LRBA: variants seen among roughly 807,000 people sequenced by gnomAD.
LRBA encodes the protein lipopolysaccharide-responsive and beige-like anchor protein.
Under a neutral mutation model 330.0 loss-of-function variants are expected in LRBA, and 176 were observed. The observed-to-expected ratio is 0.53, with a 90% CI of 0.47 to 0.60. LRBA has a LOEUF of 0.60. Among genes scored for constraint, LRBA ranks in the 20% least tolerant of loss-of-function variants. The pLI is 0.00. For missense variants in LRBA, 3,259 were observed against 3,444.8 expected (o/e 0.95, Z 1.35); for synonymous variants, 1,230 against 1,193.0 (o/e 1.03, Z -0.64).
Position 150,852,718 on chromosome 4 carries a change from T to G in LRBA, c.2992A>C (p.Thr998Pro). Reference protein sequence around the residue: ...NGNENSSIEKTSSLESASNIE... With the variant: ...NGNENSSIEKPSSLESASNIE... ...TTAGATGCAGATTCTAGTGAACTTG[T>G]CTTCTCTATACTTGAATTTTCATTA... Residue 998 changes from threonine to proline, a missense_variant, in exon 23 of 57, where the codon ACA (threonine) becomes CCA (proline). Thr to Pro is a conservative substitution (Grantham distance 38, BLOSUM62 -1). Coordinates refer to ENST00000651943, the MANE Select transcript of LRBA (RefSeq NM_001364905.1). 6.2e-7 allele frequency: 1 copy of G among 1,613,904 alleles called. No homozygotes were observed. The highest frequency in any genetic ancestry group is 8.5e-7 in the Non-Finnish European group (1 of 1,179,800).
At chr4:150,389,676 C>CAA (rs34170088) in intron 47 of LRBA, among the ~76,000 whole-genome samples, 843 of 79,698 alleles carry the variant, frequency 0.011, 22 homozygotes, top group African/African-American at 0.024. Context: ...GACTCTGTCT[C>CAA]AAAAAAAAAA....
At chr4:150,819,697 G>C (rs1186951516) in intron 30 of LRBA, among the ~76,000 whole-genome samples, 1 of 152,032 alleles carries the variant, frequency 6.6e-6, no homozygotes, top group Non-Finnish European at 1.5e-5. Flanking sequence ...ATTTACTACA[G>C]CTGTTCCAAA....
chr4:150,422,654 C>T (rs1748981423), intron 46 of LRBA: 3 of 639,968 alleles, frequency 4.7e-6, no homozygotes, highest in Non-Finnish European at 8.6e-6. Context: ...CTTAGAAGAA[C>T]TGGCACTGCT....
At chr4:150,559,913 A>ATCTATATAAAT (rs1561352796) in intron 40 of LRBA, among the ~76,000 whole-genome samples, 2 of 67,802 alleles carry the variant, frequency 2.9e-5, no homozygotes, top group African/African-American at 1.2e-4. Flanking sequence ...AATTATATAT[A>ATCTATATAAAT]ATATATAAAT....
chr4:150,432,146 ATCT>A (rs1484571599), intron 46 of LRBA, among the ~76,000 whole-genome samples: 1 of 152,102 alleles, frequency 6.6e-6, no homozygotes, highest in Non-Finnish European at 1.5e-5. Flanking sequence ...AAAAATTTAA[ATCT>A]TCTTCATACC....
At chr4:150,460,290 T>A (rs1316531467) in intron 44 of LRBA, among the ~76,000 whole-genome samples, 4 of 151,436 alleles carry the variant, frequency 2.6e-5, no homozygotes, top group African/African-American at 9.7e-5. Context: ...AAAATATACA[T>A]CCAAATGGTA....
chr4:150,600,962 C>T (rs1774051102), intron 37 of LRBA, among the ~76,000 whole-genome samples: 1 of 152,170 alleles, frequency 6.6e-6, no homozygotes. Context: ...AGTCGTGAAT[C>T]ACAGGCTGCT....
intron 2 of LRBA, among the ~76,000 whole-genome samples, chr4:150,931,475 T>G (rs143020345): frequency 6.6e-6 from 1 of 151,382 alleles, no homozygotes; most frequent in Non-Finnish European, 1.5e-5. Context: ...ATCAAAAGGT[T>G]AGTGGCTGGG....
intron 41 of LRBA, among the ~76,000 whole-genome samples, chr4:150,489,081 TATTATATAAG>T (rs1758310250): frequency 1.5e-5 from 1 of 67,126 alleles, no homozygotes; most frequent in African/African-American, 6.2e-5. Context: ...TTATATATAA[TATTATATAAG>T]AATATACAAT....
At chr4:150,769,050 C>A (rs1438432810) in intron 34 of LRBA, among the ~76,000 whole-genome samples, 1 of 149,842 alleles carries the variant, frequency 6.7e-6, no homozygotes, top group Non-Finnish European at 1.5e-5. Context: ...AACTCTCCTG[C>A]GTCAGCTTTC....
intron 47 of LRBA, among the ~76,000 whole-genome samples, chr4:150,383,968 T>C (rs1055972694): frequency 1.3e-5 from 2 of 152,202 alleles, no homozygotes; most frequent in Non-Finnish European, 1.5e-5. Flanking sequence ...CAAATTATTA[T>C]AATATTCTAT....
At chr4:150,824,874 C>T (rs1745996629) in intron 30 of LRBA, among the ~76,000 whole-genome samples, 2 of 151,884 alleles carry the variant, frequency 1.3e-5, no homozygotes, top group African/African-American at 4.8e-5. Context: ...TCCTGGGCTC[C>T]AGTGATCCTC....
At chr4:150,759,284 C>T (rs933148112) in intron 35 of LRBA, among the ~76,000 whole-genome samples, 1 of 152,190 alleles carries the variant, frequency 6.6e-6, no homozygotes, top group African/African-American at 2.4e-5. Flanking sequence ...CAATGGCTGT[C>T]ATTTCCCACA....
At chr4:150,500,822 G>A (rs1760169651) in intron 40 of LRBA, among the ~76,000 whole-genome samples, 1 of 152,114 alleles carries the variant, frequency 6.6e-6, no homozygotes, top group Non-Finnish European at 1.5e-5. Context: ...AAGCAAAATG[G>A]AAAGGAAAAA....
rs1336345727 is a variant in LRBA, at chr4:150,365,608, A to G, written c.7195-15449T>C. ...AGAGTTCGAGACCAGCCTGACCAAC[A>G]TGGAGAAACCCCATCTCTACTAAAA... On this transcript the variant is annotated intron_variant, in intron 47 of 56. Coordinates refer to ENST00000651943, the MANE Select transcript of LRBA (RefSeq NM_001364905.1). 2.6e-5 allele frequency among the ~76,000 whole-genome samples: 4 copies of G among 152,186 alleles called. No homozygotes were observed. In the East Asian group the frequency reaches 7.8e-4, roughly 29 times the overall value.
chr4:150,456,543 C>T (rs746115111), intron 44 of LRBA, among the ~76,000 whole-genome samples: 1 of 152,034 alleles, frequency 6.6e-6, no homozygotes, highest in Non-Finnish European at 1.5e-5. Context: ...TCCTATAGAC[C>T]TGCTTGAGCT....
intron 47 of LRBA, among the ~76,000 whole-genome samples, chr4:150,378,852 GA>G (rs977628552): frequency 6.6e-6 from 1 of 151,410 alleles, no homozygotes; most frequent in Non-Finnish European, 1.5e-5. Flanking sequence ...TCAGGGAACA[GA>G]AAAAAAATGA....
intron 53 of LRBA, among the ~76,000 whole-genome samples, chr4:150,297,713 C>T (rs1310325426): frequency 2.6e-5 from 4 of 152,154 alleles, no homozygotes; most frequent in Non-Finnish European, 4.4e-5. Context: ...AAATACCATC[C>T]AAATAACTTC....
At chr4:150,329,234 G>A (rs1733684994) in intron 48 of LRBA, among the ~76,000 whole-genome samples, 1 of 152,238 alleles carries the variant, frequency 6.6e-6, no homozygotes, top group South Asian at 2.1e-4. Context: ...ACTTCTTAAC[G>A]AACCTTTCAG....
Sources: allele counts gnomAD v4.1 joint callset (sites outside exome capture counted in the v4.1 genomes callset), GRCh38; gene constraint gnomAD v4.1.1; transcripts MANE v1.5; gene names NCBI Gene and HGNC (gene_info 2026-07-23, HGNC 2026-07-21).